Variants in PTPRK observed in about 807,000 individuals in gnomAD.
PTPRK encodes the protein protein tyrosine phosphatase receptor type K, also known as receptor-type tyrosine-protein phosphatase kappa.
In PTPRK, 75 loss-of-function variants were observed where a neutral mutation model predicts 178.0. The ratio of observed to expected loss-of-function variants is 0.42; its 90% CI spans 0.35 to 0.51. The LOEUF is 0.51. Ranked by LOEUF, PTPRK falls within the 20% of genes least tolerant of loss-of-function variation. The pLI is 0.02. For synonymous variants in PTPRK, 637 were observed against 620.6 expected (o/e 1.03, Z -0.39); for missense variants, 1,441 against 1,797.8 (o/e 0.80, Z 3.59).
At chr6:128,007,461 T>C (rs777691949) in intron 14 of PTPRK, among the ~76,000 whole-genome samples, 1 of 150,888 alleles carries the variant, frequency 6.6e-6, no homozygotes, top group South Asian at 2.1e-4. Flanking sequence ...GAGAGGCTCA[T>C]TAACTTAACC....
intron 13 of PTPRK, among the ~76,000 whole-genome samples, chr6:128,055,505 C>T (rs946912093): frequency 2.6e-5 from 4 of 152,082 alleles, no homozygotes; most frequent in African/African-American, 9.7e-5. Flanking sequence ...TTCATTTATA[C>T]ATTTTTTTTC....
chr6:128,092,947 T>C (rs568842345), intron 7 of PTPRK, among the ~76,000 whole-genome samples: 1 of 152,304 alleles, frequency 6.6e-6, no homozygotes, highest in East Asian at 1.9e-4. Flanking sequence ...CACTGATATT[T>C]ATGAGCTGGC....
chr6:127,986,313 T>C (rs930682251), intron 21 of PTPRK, among the ~76,000 whole-genome samples: 18 of 152,204 alleles, frequency 1.2e-4, no homozygotes, highest in Non-Finnish European at 1.6e-4. Flanking sequence ...GCCTTGCTTA[T>C]CCATGTTGAA....
intron 10 of PTPRK, among the ~76,000 whole-genome samples, chr6:128,079,233 G>C (rs1031916975): frequency 6.6e-6 from 1 of 151,970 alleles, no homozygotes; most frequent in African/African-American, 2.4e-5. Context: ...ATGGGAGGGA[G>C]GGAAGGTAGT....
chr6:128,035,095 G>C (rs549019403), intron 13 of PTPRK, among the ~76,000 whole-genome samples: 1 of 152,242 alleles, frequency 6.6e-6, no homozygotes, highest in African/African-American at 2.4e-5. Flanking sequence ...ACATTGGCTG[G>C]GCACGGTGGC....
intron 7 of PTPRK, among the ~76,000 whole-genome samples, chr6:128,118,376 C>A (rs996348909): frequency 6.6e-6 from 1 of 152,180 alleles, no homozygotes; most frequent in Non-Finnish European, 1.5e-5. Flanking sequence ...AATATGGCCA[C>A]TTCTGCTGAC....
intron 1 of PTPRK, among the ~76,000 whole-genome samples, chr6:128,418,220 T>C (rs1351779498): frequency 6.6e-6 from 1 of 152,150 alleles, no homozygotes; most frequent in African/African-American, 2.4e-5. Context: ...TCCTCAAAAT[T>C]CCAAATACTC....
At chr6:128,011,570 T>C (rs979138386) in intron 13 of PTPRK, among the ~76,000 whole-genome samples, 1 of 151,098 alleles carries the variant, frequency 6.6e-6, no homozygotes, top group Admixed American at 6.6e-5. Flanking sequence ...ATATAATATA[T>C]ATAATGTATG....
chr6:128,257,074 T>C (rs1326501692), intron 3 of PTPRK, among the ~76,000 whole-genome samples: 1 of 151,480 alleles, frequency 6.6e-6, no homozygotes, highest in East Asian at 2.0e-4. Flanking sequence ...CTACTAAAAA[T>C]ACAAAATTAG....
intron 13 of PTPRK, among the ~76,000 whole-genome samples, chr6:128,032,561 A>T (rs1441067804): frequency 6.6e-6 from 1 of 152,188 alleles, no homozygotes; most frequent in Non-Finnish European, 1.5e-5. Context: ...AACAGCCTAT[A>T]CATTTATTGT....
intron 3 of PTPRK, among the ~76,000 whole-genome samples, chr6:128,298,713 C>T (rs545822437): frequency 0.054 from 8,184 of 151,920 alleles, 720 homozygotes; most frequent in African/African-American, 0.18. Context: ...ATTGATGGGA[C>T]GTATCTCAAA....
intron 10 of PTPRK, among the ~76,000 whole-genome samples, chr6:128,081,006 G>C (rs1054561634): frequency 6.6e-6 from 1 of 151,694 alleles, no homozygotes; most frequent in East Asian, 1.9e-4. Flanking sequence ...TCTGAGCCTT[G>C]AGAGACATAC....
intron 1 of PTPRK, among the ~76,000 whole-genome samples, chr6:128,459,961 G>A (rs980161832): frequency 3.3e-5 from 5 of 152,100 alleles, no homozygotes; most frequent in Non-Finnish European, 7.4e-5. Flanking sequence ...GCAGGAGCAG[G>A]ACCAAGAGAA....
At chr6:128,275,542 A>G (rs1820593664) in intron 3 of PTPRK, among the ~76,000 whole-genome samples, 1 of 152,050 alleles carries the variant, frequency 6.6e-6, no homozygotes, top group Non-Finnish European at 1.5e-5. Flanking sequence ...AAGACAGTAC[A>G]GTTTAGTTTT....
rs1401364701 is a variant in PTPRK at position 128,464,647 on chromosome 6, A to ATATATATG, written c.100+55611_100+55612insCATATATA. Among the ~76,000 whole-genome samples the ATATATATG allele has an allele frequency of 5.4e-5, 5 of 93,008 alleles. No individual in the cohort carries two copies. In the East Asian group the frequency reaches 1.1e-3, roughly 20 times the overall value. The allele number at this position is 93,008 out of a possible 152,430, so 61.0% of individuals were successfully genotyped here. ...TATATATATATATACACATATATAT[A>ATATATATG]TATATATATATATATATATATATAT... On this transcript the variant is annotated intron_variant, in intron 1 of 29. Coordinates refer to ENST00000368226, the MANE Select transcript of PTPRK (RefSeq NM_002844.4).
chr6:128,183,998 T>C (rs893279110), intron 7 of PTPRK, among the ~76,000 whole-genome samples: 1 of 152,186 alleles, frequency 6.6e-6, no homozygotes, highest in South Asian at 2.1e-4. Flanking sequence ...CCAGAGTAAC[T>C]TTTCTTATCC....
intron 7 of PTPRK, among the ~76,000 whole-genome samples, chr6:128,108,079 C>A (rs1014873517): frequency 2.2e-5 from 3 of 135,640 alleles, no homozygotes; most frequent in Admixed American, 7.1e-5. Flanking sequence ...AACACACACA[C>A]ACACACACAC....
chr6:128,248,403 T>C (rs749230973), intron 3 of PTPRK, among the ~76,000 whole-genome samples: 14 of 152,326 alleles, frequency 9.2e-5, no homozygotes, highest in South Asian at 6.2e-4. Flanking sequence ...TCACTCTCTT[T>C]GCCCTATACT....
intron 3 of PTPRK, among the ~76,000 whole-genome samples, chr6:128,254,015 T>C (rs1816891549): frequency 6.6e-6 from 1 of 152,202 alleles, no homozygotes; most frequent in South Asian, 2.1e-4. Context: ...AATTGTTTTG[T>C]TTAAACCTCT....
Sources: gnomAD v4.1 joint callset for allele counts (sites outside exome capture counted in the v4.1 genomes callset) on GRCh38, gnomAD v4.1.1 for gene constraint, MANE v1.5 for transcripts, NCBI Gene and HGNC (gene_info 2026-07-23, HGNC 2026-07-21) for gene names.